PLAC1: variants seen among roughly 807,000 people sequenced by gnomAD.
The protein encoded by PLAC1 is placenta-specific protein 1.
For synonymous variants in PLAC1, 68 were observed against 62.1 expected, an observed-to-expected ratio of 1.09 and a Z score of -0.44; for missense variants, 136 against 163.2, an observed-to-expected ratio of 0.83 and a Z score of 0.91.
intron 1 of PLAC1, among the ~76,000 whole-genome samples, chrX:134,612,562 G>A (rs2078159107): frequency 9.0e-6 from 1 of 111,188 alleles, no homozygotes; most frequent in African/African-American, 3.3e-5. Context: ...TTAGCCTGGG[G>A]CTCCCAAACA....
chrX:134,618,753 A>G (rs1219272047), intron 1 of PLAC1, among the ~76,000 whole-genome samples: 6 of 111,003 alleles, frequency 5.4e-5, no homozygotes, highest in African/African-American at 2.0e-4. Context: ...CAACCCTGTT[A>G]TTATTCCCAT....
intron 1 of PLAC1, among the ~76,000 whole-genome samples, chrX:134,657,986 A>G (rs1438490692): frequency 8.9e-6 from 1 of 111,772 alleles, no homozygotes; most frequent in Non-Finnish European, 1.9e-5. Context: ...GGAGTGGTGC[A>G]TGTGTGAGTG....
At chrX:134,660,619 A>G (rs2078413234), upstream of PLAC1, among the ~76,000 whole-genome samples, 1 of 112,277 alleles carries the variant, frequency 8.9e-6, no homozygotes, top group Non-Finnish European at 1.9e-5. Context: ...AGAGCAGAGG[A>G]ATAAAGAGAT....
At position 134,625,969 on chromosome X, in the gene PLAC1, G is replaced by A. The variant is rs546097806; in HGVS notation, c.-130-23847C>T. Among the ~76,000 whole-genome samples, 13 of 111,039 alleles carry A rather than the reference G, an allele frequency of 1.2e-4. No homozygotes were observed. In the South Asian group the frequency reaches 4.3e-3, roughly 37 times the overall value. On this transcript the variant is annotated intron_variant, in intron 1 of 2. Coordinates refer to ENST00000359237, the MANE Select transcript of PLAC1 (RefSeq NM_021796.4). ...TGGGGAACTTTCAGGCTGGTCTCTG[G>A]AACCCATCTGGTCCTCTGTGCCCTG...
chrX:134,654,872 C>T (rs1462360579), intron 1 of PLAC1, among the ~76,000 whole-genome samples: 1 of 112,485 alleles, frequency 8.9e-6, no homozygotes, highest in Non-Finnish European at 1.9e-5. Flanking sequence ...ATTCTGGATG[C>T]ACTTGGTCAC....
At chrX:134,613,882 G>A (rs1156237203) in intron 1 of PLAC1, among the ~76,000 whole-genome samples, 1 of 110,277 alleles carries the variant, frequency 9.1e-6, no homozygotes, top group Non-Finnish European at 1.9e-5. Context: ...GCCCCTCACC[G>A]CCTACGAAAT....
At chrX:134,725,357 G>A (rs1247327177) in intron 2 of PLAC1, among the ~76,000 whole-genome samples, 1 of 110,860 alleles carries the variant, frequency 9.0e-6, no homozygotes. Flanking sequence ...AGGTTATATA[G>A]TGGGAGAGCT....
upstream of PLAC1, among the ~76,000 whole-genome samples, chrX:134,661,689 G>C (rs933981211): frequency 5.4e-5 from 6 of 111,795 alleles, no homozygotes; most frequent in African/African-American, 1.6e-4. Context: ...TATTTTAGAA[G>C]AGCCAGGGAA....
intron 1 of PLAC1, among the ~76,000 whole-genome samples, chrX:134,610,739 C>T (rs192512542): frequency 8.9e-6 from 1 of 112,061 alleles, no homozygotes; most frequent in Admixed American, 9.5e-5. Context: ...ATGACTACAA[C>T]AACCAGTAAT....
intron 1 of PLAC1, among the ~76,000 whole-genome samples, chrX:134,603,297 A>C (rs1602826471): frequency 2.3e-4 from 1 of 4,414 alleles, no homozygotes; most frequent in African/African-American, 7.0e-4. Flanking sequence ...ATATATATAT[A>C]TATATATATA....
rs1032128591 is a variant in PLAC1, at chrX:134,694,851, A to G, written n.174+38584T>C. ...TTGACCAAATGTGAGATTGTTTGCT[A>G]TAAATCTGAAATGACAGACTGACTG... On this transcript the variant is annotated intron_variant and non_coding_transcript_variant, in intron 2 of 2. Coordinates refer to the PLAC1 transcript ENST00000466797. 4.5e-5 allele frequency among the ~76,000 whole-genome samples: 5 copies of G among 112,208 alleles called. No individual in the cohort carries two copies. In the Admixed American group the frequency reaches 4.7e-4, roughly 11 times the overall value.
chrX:134,653,324 A>G (rs939747388), intron 1 of PLAC1, among the ~76,000 whole-genome samples: 1 of 112,374 alleles, frequency 8.9e-6, no homozygotes, highest in Non-Finnish European at 1.9e-5. Flanking sequence ...AACCAGACAC[A>G]TCACTACCCA....
intron 1 of PLAC1, among the ~76,000 whole-genome samples, chrX:134,752,109 C>A (rs931191909): frequency 8.9e-6 from 1 of 112,166 alleles, no homozygotes; most frequent in Non-Finnish European, 1.9e-5. Flanking sequence ...ACAAAGGCTG[C>A]AAGATGAAAG....
At chrX:134,594,726 T>C (rs2078054496) in intron 2 of PLAC1, among the ~76,000 whole-genome samples, 1 of 110,968 alleles carries the variant, frequency 9.0e-6, no homozygotes, top group African/African-American at 3.3e-5. Flanking sequence ...CTGATGCTGG[T>C]AATTTGTTTC....
Position 134,566,120 on chromosome X carries a change from G to A in PLAC1, c.563C>T (p.Pro188Leu). 1 of 1,209,014 alleles carries A rather than the reference G, an allele frequency of 8.3e-7. No homozygotes were observed. The highest frequency in any genetic ancestry group is 1.8e-5 in the South Asian group (1 of 56,937). The change falls in exon 3 of 3, where the codon CCT becomes CTT. Residue 188 changes from proline to leucine, a missense_variant. Coordinates refer to ENST00000359237, the MANE Select transcript of PLAC1 (RefSeq NM_021796.4). The stretch of plus-strand genomic sequence containing the variant: ...ATCAAGAAAGTGAGATGGCTGCAGA[G>A]GTTGAGCCTCCTGAGCCCCTGCTTG... Reference protein sequence around the residue: ...CHQAGAQEAQPLQPSHFLDIS... With the variant: ...CHQAGAQEAQLLQPSHFLDIS...
chrX:134,663,289 T>C (rs1780262766), upstream of PLAC1, among the ~76,000 whole-genome samples: 1 of 112,922 alleles, frequency 8.9e-6, no homozygotes, highest in African/African-American at 3.2e-5. Context: ...ATTGCCACCT[T>C]AGGTTGGATA....
Position 134,755,903 on chromosome X carries a change from C to G in PLAC1, n.89+8331G>C, listed in dbSNP as rs2078755972. Among the ~76,000 whole-genome samples the G allele has an allele frequency of 3.5e-5, 3 of 84,655 alleles. No individual in the cohort carries two copies. In the Admixed American group the frequency reaches 4.4e-4, roughly 12 times the overall value. 73.5% of individuals were successfully genotyped at this position (84,655 alleles called of 115,157 possible). A position where few individuals can be genotyped will look rare whatever the true frequency, so the allele number is the denominator to read the frequency against. ...TTTGAGATGGATTCTTGCTCTGTCA[C>G]CAGGCTGGAGTGCTCTTGGCTCACT... On this transcript the variant is annotated intron_variant and non_coding_transcript_variant, in intron 1 of 2. Transcript: ENST00000466797.
chrX:134,637,081 G>C (rs765100268), intron 1 of PLAC1, among the ~76,000 whole-genome samples: 2 of 112,615 alleles, frequency 1.8e-5, no homozygotes, highest in Non-Finnish European at 3.8e-5. Flanking sequence ...TGGATTAACT[G>C]TAGCATAGGC....
chrX:134,629,129 C>G (rs993478559), intron 1 of PLAC1, among the ~76,000 whole-genome samples: 1 of 111,842 alleles, frequency 8.9e-6, no homozygotes, highest in African/African-American at 3.3e-5. Flanking sequence ...GAGAAAACCC[C>G]TGCATGCTGA....
Sources: gnomAD v4.1 joint callset for allele counts (sites outside exome capture counted in the v4.1 genomes callset) on GRCh38, gnomAD v4.1.1 for gene constraint, MANE v1.5 for transcripts, NCBI Gene and HGNC (gene_info 2026-07-23, HGNC 2026-07-21) for gene names.